The following MICAL2 variants were observed in gnomAD, a reference collection of about 807,000 sequenced individuals.
The protein encoded by MICAL2 is [F-actin]-monooxygenase MICAL2.
A neutral mutation model predicts 127.3 loss-of-function variants in MICAL2; 77 were observed. The observed-to-expected ratio is 0.60, with a 90% CI of 0.50 to 0.73. MICAL2 has a LOEUF of 0.73. MICAL2 is among the 30% of genes least tolerant of loss of function. The probability of loss-of-function intolerance (pLI) is 0.00; values close to 1 mark genes in which losing one functional copy is unlikely to be tolerated. For synonymous variants in MICAL2, 570 were observed against 551.1 expected, an observed-to-expected ratio of 1.03 and a Z score of -0.48; for missense variants, 1,351 against 1,434.4, an observed-to-expected ratio of 0.94 and a Z score of 0.94.
At chr11:12,182,197 A>T (rs1344363314) in intron 3 of MICAL2, among the ~76,000 whole-genome samples, 1 of 152,194 alleles carries the variant, frequency 6.6e-6, no homozygotes, top group Non-Finnish European at 1.5e-5. Flanking sequence ...ATATTCTGAG[A>T]AGGTGTCCAT....
intron 2 of MICAL2, 181 bp from the exon 3 acceptor site, chr11:12,161,898 T>C (rs547285337): frequency 1.9e-6 from 1 of 520,996 alleles, no homozygotes; most frequent in East Asian, 3.5e-5. Context: ...CAATGCCACA[T>C]CGACAGGCCA....
chr11:12,268,420 C>A (rs750219975), downstream of MICAL2, among the ~76,000 whole-genome samples: 12 of 152,228 alleles, frequency 7.9e-5, no homozygotes, highest in African/African-American at 1.2e-4. Flanking sequence ...CACTGGCCCA[C>A]ACACATCCTC....
chr11:12,192,051 CCCCG>C (rs1237499079), intron 3 of MICAL2, among the ~76,000 whole-genome samples: 1 of 151,836 alleles, frequency 6.6e-6, no homozygotes, highest in African/African-American at 2.4e-5. Flanking sequence ...CCACCCCCAC[CCCCG>C]CCCGCCACCC....
intron 3 of MICAL2, among the ~76,000 whole-genome samples, chr11:12,169,068 G>A (rs556066011): frequency 6.6e-6 from 1 of 152,020 alleles, no homozygotes; most frequent in African/African-American, 2.4e-5. Flanking sequence ...ATTTAGTGTG[G>A]AAGAAGTTTC....
intron 3 of MICAL2, among the ~76,000 whole-genome samples, chr11:12,194,213 T>C (rs1249498370): frequency 6.6e-6 from 1 of 152,214 alleles, no homozygotes; most frequent in Non-Finnish European, 1.5e-5. Flanking sequence ...TCCCTCACTA[T>C]CTGCTGTCAT....
intron 3 of MICAL2, among the ~76,000 whole-genome samples, chr11:12,186,117 G>A (rs967113181): frequency 3.3e-5 from 5 of 152,212 alleles, no homozygotes; most frequent in Admixed American, 6.5e-5. Context: ...ATTAACTGGC[G>A]CCTGCACTTT....
chr11:12,137,184 G>A (rs1323094383), intron 1 of MICAL2, among the ~76,000 whole-genome samples: 1 of 152,238 alleles, frequency 6.6e-6, no homozygotes, highest in African/African-American at 2.4e-5. Flanking sequence ...GCCCCGAGGG[G>A]TGTGGGCTTG....
intron 3 of MICAL2, among the ~76,000 whole-genome samples, chr11:12,196,539 G>A (rs1590294777): frequency 6.6e-6 from 1 of 152,148 alleles, no homozygotes; most frequent in Non-Finnish European, 1.5e-5. Flanking sequence ...GGAAGATGAG[G>A]AGGAGCAGCA....
chr11:12,352,300 T>C (rs1188506330), intron 33 of MICAL2, among the ~76,000 whole-genome samples: 1 of 152,218 alleles, frequency 6.6e-6, no homozygotes, highest in Non-Finnish European at 1.5e-5. Context: ...TGCTGGGTTC[T>C]GTGAAAATAA....
At chr11:12,117,300 A>G (rs931418194) in intron 1 of MICAL2, among the ~76,000 whole-genome samples, 1 of 152,222 alleles carries the variant, frequency 6.6e-6, no homozygotes, top group African/African-American at 2.4e-5. Context: ...CTGCAACAGC[A>G]GGTTTCTGGG....
intron 29 of MICAL2, among the ~76,000 whole-genome samples, chr11:12,315,540 A>G (rs1864222837): frequency 6.6e-6 from 1 of 152,184 alleles, no homozygotes; most frequent in Non-Finnish European, 1.5e-5. Context: ...TTTTGTGGAT[A>G]TTCCAGAGTA....
chr11:12,120,251 A>C (rs1360061403), intron 1 of MICAL2, among the ~76,000 whole-genome samples: 4 of 152,222 alleles, frequency 2.6e-5, no homozygotes, highest in African/African-American at 9.7e-5. Context: ...CCATATGTTG[A>C]CAGAGATGAG....
At chr11:12,344,747 C>T (rs1938926519) in intron 32 of MICAL2, among the ~76,000 whole-genome samples, 1 of 150,250 alleles carries the variant, frequency 6.7e-6, no homozygotes, top group African/African-American at 2.4e-5. Flanking sequence ...ATGATCCACT[C>T]ACCTCGGCCT....
chr11:12,170,163 T>C (rs780650153), intron 3 of MICAL2, among the ~76,000 whole-genome samples: 1 of 152,214 alleles, frequency 6.6e-6, no homozygotes, highest in Non-Finnish European at 1.5e-5. Flanking sequence ...TTAAGAGGTT[T>C]ACTTTGTCAG....
At chr11:12,248,833 GCTAGGCAAC>G (rs1191094200) in intron 21 of MICAL2, among the ~76,000 whole-genome samples, 1 of 133,438 alleles carries the variant, frequency 7.5e-6, no homozygotes, top group Non-Finnish European at 1.7e-5. Context: ...TGGGAATAGA[GCTAGGCAAC>G]CTTTTGGAGG....
At chr11:12,125,222 T>A (rs1208991544) in intron 1 of MICAL2, among the ~76,000 whole-genome samples, 1 of 152,248 alleles carries the variant, frequency 6.6e-6, no homozygotes, top group Non-Finnish European at 1.5e-5. Context: ...TTCTCCAGAA[T>A]ATTTCTCTTT....
chr11:12,312,669 G>T (rs1490653496), intron 29 of MICAL2, among the ~76,000 whole-genome samples: 4 of 152,244 alleles, frequency 2.6e-5, no homozygotes, highest in South Asian at 4.1e-4. Flanking sequence ...CAAAGATAGA[G>T]GGAAACTGTT....
At chr11:12,216,391 A>G (rs1024093646) in intron 8 of MICAL2, 72 bp downstream of exon 8, 1 of 1,191,726 alleles carries the variant, frequency 8.4e-7, no homozygotes, top group Admixed American at 1.7e-5. Context: ...GTGAAGGCAG[A>G]TGTCGTCCTG....
intron 22 of MICAL2, among the ~76,000 whole-genome samples, chr11:12,250,461 C>T (rs1278518990): frequency 6.6e-6 from 1 of 152,198 alleles, no homozygotes; most frequent in Non-Finnish European, 1.5e-5. Context: ...GAGTCTTTTC[C>T]TCAGCCCTGC....
Sources: allele counts gnomAD v4.1 joint callset (sites outside exome capture counted in the v4.1 genomes callset), GRCh38; gene constraint gnomAD v4.1.1; transcripts MANE v1.5; gene names NCBI Gene and HGNC (gene_info 2026-07-23, HGNC 2026-07-21).